TEX11: variants seen among roughly 807,000 people sequenced by gnomAD.
TEX11 encodes the protein testis-expressed protein 11.
TEX11 carries 7 observed loss-of-function variants against 84.4 expected under a neutral mutation model. The ratio of observed to expected loss-of-function variants is 0.08; its 90% CI spans 0.05 to 0.16. The LOEUF (loss-of-function observed/expected upper bound fraction) is 0.16. Ranked by LOEUF, TEX11 falls within the 10% of genes least tolerant of loss-of-function variation. TEX11 has a pLI of 1.00. For synonymous variants in TEX11, 264 were observed against 222.8 expected, an observed-to-expected ratio of 1.18 and a Z score of -1.64; for missense variants, 551 against 660.5, an observed-to-expected ratio of 0.83 and a Z score of 1.82.
chrX:70,817,294 C>T (rs2091293907), intron 8 of TEX11, among the ~76,000 whole-genome samples: 1 of 108,024 alleles, frequency 9.3e-6, no homozygotes, highest in Non-Finnish European at 1.9e-5. Context: ...CACATATGCT[C>T]TTTCCACTGT....
At chrX:70,517,218 T>G in the TEX11 span, among the ~76,000 whole-genome samples, 1 of 111,955 alleles carries the variant, frequency 8.9e-6, no homozygotes, top group Admixed American at 9.5e-5. Flanking sequence ...AAGGGAATGC[T>G]TCCAGTGTTT....
rs777114750 is a variant in TEX11 at position 70,886,905 on chromosome X, G to A, written c.38-6796C>T. 6.3e-5 allele frequency among the ~76,000 whole-genome samples: 7 copies of A among 111,787 alleles called. No homozygotes were observed. The South Asian group carries it at 2.6e-3, about 42-fold the overall frequency. Reference sequence around the variant, plus strand: ...ACAAAGGAATTTCCAACTTGATTCTGGTGAGGAAACCTATCTAGTCACATT... The same window carrying A: ...ACAAAGGAATTTCCAACTTGATTCTAGTGAGGAAACCTATCTAGTCACATT... On this transcript the variant is annotated intron_variant, in intron 2 of 29. Coordinates refer to ENST00000374333, the MANE Select transcript of TEX11 (RefSeq NM_031276.3).
At chrX:70,879,169 G>A (rs1331976322) in intron 3 of TEX11, among the ~76,000 whole-genome samples, 3 of 110,607 alleles carry the variant, frequency 2.7e-5, no homozygotes, top group East Asian at 2.8e-4. Context: ...ACGGGTGTGC[G>A]GTTTCTTTTT....
intron 20 of TEX11, among the ~76,000 whole-genome samples, chrX:70,622,524 C>T (rs1174273691): frequency 8.9e-6 from 1 of 111,736 alleles, no homozygotes; most frequent in Non-Finnish European, 1.9e-5. Context: ...AATATTCAGT[C>T]ATTTAAATAA....
intron 25 of TEX11, among the ~76,000 whole-genome samples, chrX:70,588,690 C>A (rs907491551): frequency 8.9e-6 from 1 of 111,824 alleles, no homozygotes. Flanking sequence ...TTGACACATG[C>A]TATGACATGG....
At chrX:70,586,948 A>G (rs1303531203) in intron 25 of TEX11, among the ~76,000 whole-genome samples, 1 of 111,862 alleles carries the variant, frequency 8.9e-6, no homozygotes, top group East Asian at 2.8e-4. Flanking sequence ...TGAACAGTGA[A>G]GCCCAGGCTG....
chrX:70,804,832 T>A (rs1319041689), intron 9 of TEX11, among the ~76,000 whole-genome samples: 1 of 111,165 alleles, frequency 9.0e-6, no homozygotes, highest in Non-Finnish European at 1.9e-5. Context: ...TCATGCCATG[T>A]CAGGCCTCAA....
intron 4 of TEX11, among the ~76,000 whole-genome samples, chrX:70,870,126 G>A (rs755964700): frequency 1.8e-5 from 2 of 111,218 alleles, no homozygotes; most frequent in Non-Finnish European, 3.8e-5. Context: ...AGATAAACAC[G>A]GGGTTATACC....
At chrX:70,519,094 G>A in the TEX11 span, among the ~76,000 whole-genome samples, 5,571 of 111,243 alleles carry the variant, frequency 0.05, 107 homozygotes, top group East Asian at 0.068. Context: ...TTTTAATTGG[G>A]GCATTTAGCC....
At chrX:70,598,573 A>C (rs1391376078) in intron 24 of TEX11, among the ~76,000 whole-genome samples, 1 of 112,460 alleles carries the variant, frequency 8.9e-6, no homozygotes, top group Non-Finnish European at 1.9e-5. Context: ...TAAATTGTTC[A>C]TCACGGCATT....
At chrX:70,844,159 C>G (rs1236718068) in intron 7 of TEX11, among the ~76,000 whole-genome samples, 1 of 110,058 alleles carries the variant, frequency 9.1e-6, no homozygotes, top group African/African-American at 3.3e-5. Context: ...GACACATGCA[C>G]ACGTATGTTT....
chrX:70,585,048 G>A (rs2088835282), intron 25 of TEX11, among the ~76,000 whole-genome samples: 1 of 111,643 alleles, frequency 9.0e-6, no homozygotes, highest in Non-Finnish European at 1.9e-5. Context: ...AGATAAATTA[G>A]GCAACAAAGA....
At chrX:70,566,470 C>T (rs2088480873) in intron 25 of TEX11, among the ~76,000 whole-genome samples, 1 of 110,488 alleles carries the variant, frequency 9.1e-6, no homozygotes, top group Non-Finnish European at 1.9e-5. Flanking sequence ...AGAGGGCATC[C>T]CTCTCTTGTG....
chrX:70,565,988 C>A (rs1242696923), intron 25 of TEX11, among the ~76,000 whole-genome samples: 1 of 109,854 alleles, frequency 9.1e-6, no homozygotes, highest in Non-Finnish European at 1.9e-5. Flanking sequence ...TATAAATTAC[C>A]TTGGGCAGTA....
At chrX:70,701,396 C>G (rs2090324742) in intron 13 of TEX11, among the ~76,000 whole-genome samples, 1 of 111,641 alleles carries the variant, frequency 9.0e-6, no homozygotes, top group African/African-American at 3.2e-5. Flanking sequence ...ATAAATGGAA[C>G]AACAAAGCCT....
At chrX:70,568,287 G>A (rs2088525717) in intron 25 of TEX11, among the ~76,000 whole-genome samples, 2 of 110,450 alleles carry the variant, frequency 1.8e-5, no homozygotes, top group African/African-American at 6.6e-5. Context: ...TTTATTTTGA[G>A]CCTATGTGTG....
intron 2 of TEX11, among the ~76,000 whole-genome samples, chrX:70,906,824 A>G (rs1301351248): frequency 8.9e-6 from 1 of 112,078 alleles, no homozygotes; most frequent in African/African-American, 3.2e-5. Flanking sequence ...AAAAAAAAGT[A>G]TTAACAAAAT....
At chrX:70,569,554 TTGA>T (rs2088555577) in intron 25 of TEX11, among the ~76,000 whole-genome samples, 2 of 111,472 alleles carry the variant, frequency 1.8e-5, no homozygotes, top group Admixed American at 9.6e-5. Context: ...CTTTTGGTCT[TTGA>T]TGATGGTGAT....
intron 17 of TEX11, among the ~76,000 whole-genome samples, chrX:70,636,626 C>A (rs2089577665): frequency 8.9e-6 from 1 of 112,503 alleles, no homozygotes. Context: ...CTGGCTCTTG[C>A]AGATTCAGAC....
Sources: gnomAD v4.1 joint callset for allele counts (sites outside exome capture counted in the v4.1 genomes callset) on GRCh38, gnomAD v4.1.1 for gene constraint, MANE v1.5 for transcripts, NCBI Gene and HGNC (gene_info 2026-07-23, HGNC 2026-07-21) for gene names.